The following ISG20 variants were observed in gnomAD, a reference collection of about 807,000 sequenced individuals.
ISG20 encodes interferon-stimulated gene 20 kDa protein.
A neutral mutation model predicts 11.1 loss-of-function variants in ISG20; 8 were observed. That is an observed-to-expected ratio of 0.72 (90% CI 0.42 to 1.30). The LOEUF (loss-of-function observed/expected upper bound fraction) is 1.30, where lower values mean the gene tolerates loss of function less well. Ranked by LOEUF, ISG20 falls within the 50% of genes most tolerant of loss-of-function variation. ISG20 has a pLI of 0.01. For missense variants in ISG20, 243 were observed against 250.2 expected, an observed-to-expected ratio of 0.97 and a Z score of 0.19; for synonymous variants, 110 against 101.7, an observed-to-expected ratio of 1.08 and a Z score of -0.49.
chr15:88,655,495 C>A lies in ISG20; in HGVS notation c.510C>A (p.Ala170=), dbSNP rs1322915353. 6.2e-7 allele frequency: 1 copy of A among 1,613,772 alleles called. No individual in the cohort carries two copies. The highest frequency in any genetic ancestry group is 1.7e-5 in the Admixed American group (1 of 60,022). The change falls in exon 4 of 4, where the codon GCC becomes GCA. Residue 170 remains alanine, a synonymous_variant. Coordinates refer to ENST00000306072, the MANE Select transcript of ISG20 (RefSeq NM_002201.6). ...ATCAAATCTCCCAGAGAATCCGAGC[C>A]CGCCGAGGGCTGCCCCGCCTGGCTG... is the stretch of plus-strand genomic sequence containing the variant. ...ELYQISQRIR[A]RRGLPRLAVS...
chr15:88,640,888 G>A (rs1391389858), intron 2 of ISG20, among the ~76,000 whole-genome samples: 14 of 151,814 alleles, frequency 9.2e-5, no homozygotes. Context: ...GAGCTCAGAA[G>A]GTCAAGGCTG....
In ISG20 at chr15:88,651,769, A is replaced by G. The variant is rs1022093218; in HGVS notation, c.229-341A>G. ...GGAGGTCATTATTCTGCCTGCCATA[A>G]TAGAATTGTTGGGAAGATTAAACAA... On this transcript the variant is annotated intron_variant, in intron 2 of 3. Coordinates refer to ENST00000306072, the MANE Select transcript of ISG20 (RefSeq NM_002201.6). The G allele has an allele frequency of 2.9e-5, 31 of 1,075,106 alleles. No individual in the cohort carries two copies. In the African/African-American group the frequency reaches 4.9e-4, roughly 17 times the overall value. The allele number at this position is 1,075,106 out of a possible 1,614,324, so 66.6% of individuals were successfully genotyped here. A position where few individuals can be genotyped will look rare whatever the true frequency, so the allele number is the denominator to read the frequency against.
upstream of ISG20, among the ~76,000 whole-genome samples, chr15:88,638,210 G>A (rs2058015901): frequency 6.6e-6 from 1 of 152,196 alleles, no homozygotes; most frequent in Non-Finnish European, 1.5e-5. Context: ...GCTTATTGTT[G>A]GATCTCACCA....
chr15:88,652,055 C>A lies in ISG20; in HGVS notation c.229-55C>A, dbSNP rs577891506. The A allele has an allele frequency of 1.3e-5, 21 of 1,609,112 alleles. No homozygotes were observed. In the South Asian group the frequency reaches 2.3e-4, roughly 18 times the overall value. On this transcript the variant is annotated intron_variant, in intron 2 of 3. Coordinates refer to ENST00000306072, the MANE Select transcript of ISG20 (RefSeq NM_002201.6). ...GGGATTGCTCCCTTGCCAGCCCCAG[C>A]CCCACCCAGAAGATGCTGGGTCATG...
At position 88,653,601 on chromosome 15, in the gene ISG20, G is replaced by T. The variant is rs567640724; in HGVS notation, c.429+1291G>T. Among the ~76,000 whole-genome samples the T allele has an allele frequency of 2.0e-5, 3 of 152,192 alleles. No individual in the cohort carries two copies. The East Asian group carries it at 5.8e-4, about 29-fold the overall frequency. On this transcript the variant is annotated intron_variant, in intron 3 of 3. Coordinates refer to ENST00000306072, the MANE Select transcript of ISG20 (RefSeq NM_002201.6). ...GTCTGGGGCCTTAAGCCTGACCCAG[G>T]GCCTTCTCCCAGGCTCTGTCCCTGG...
At chr15:88,636,901 C>A (rs1348790194), upstream of ISG20, among the ~76,000 whole-genome samples, 1 of 152,086 alleles carries the variant, frequency 6.6e-6, no homozygotes, top group African/African-American at 2.4e-5. Flanking sequence ...GCAATGTGAC[C>A]CCCCAGGCCA....
At chr15:88,644,707 G>C (rs1045223583) in intron 2 of ISG20, among the ~76,000 whole-genome samples, 1 of 152,122 alleles carries the variant, frequency 6.6e-6, no homozygotes, top group Non-Finnish European at 1.5e-5. Flanking sequence ...AGAAGAGGTG[G>C]GAGTCTGTTC....
chr15:88,650,019 C>T lies in ISG20; in HGVS notation c.229-2091C>T, dbSNP rs1381210610. ...AGGGGAGAACATGTAAAAGGGAACACATGATGTTCCAGGAGGCCGCTGGCT... is the reference window on the plus strand; with the variant it reads ...AGGGGAGAACATGTAAAAGGGAACATATGATGTTCCAGGAGGCCGCTGGCT... On this transcript the variant is annotated intron_variant, in intron 2 of 3. Coordinates refer to ENST00000306072, the MANE Select transcript of ISG20 (RefSeq NM_002201.6). This position sits in a 1 kb window ranked among gnomAD's most constrained non-coding sequence, Gnocchi z 4.0. 3.5e-6 allele frequency: 2 copies of T among 567,648 alleles called. No homozygotes were observed. The highest frequency in any genetic ancestry group is 2.0e-5 in the South Asian group (1 of 49,680). 35.2% of individuals were successfully genotyped at this position (567,648 alleles called of 1,614,324 possible).
At chr15:88,648,872 A>T (rs1219441062) in intron 2 of ISG20, 1 of 152,196 alleles carries the variant, frequency 6.6e-6, no homozygotes, top group African/African-American at 2.4e-5. Context: ...CTTTCCAGGA[A>T]TTTGAGAGAC....
At position 88,639,715 on chromosome 15, in the gene ISG20, G is replaced by T; in HGVS notation, c.228+121G>T. ...CACTTGTAAGATTTCCCACACTGCT[G>T]TTGGGAGAAAGCCGGTGGTGTCTCC... On this transcript the variant is annotated intron_variant, in intron 2 of 3. Coordinates refer to ENST00000306072, the MANE Select transcript of ISG20 (RefSeq NM_002201.6). The surrounding 1 kb of genome is among the most constrained non-coding windows in gnomAD (Gnocchi z 4.2). 1 of 736,164 alleles carries T rather than the reference G, an allele frequency of 1.4e-6. No homozygotes were observed. Among genetic ancestry groups the T allele is most frequent in the East Asian group, 2.7e-5 (1 of 37,192 alleles). The allele number at this position is 736,164 out of a possible 1,614,324, so 45.6% of individuals were successfully genotyped here. A position where few individuals can be genotyped will look rare whatever the true frequency, so the allele number is the denominator to read the frequency against.
In ISG20 at chr15:88,650,511, G is replaced by A. The variant is rs1463075306; in HGVS notation, c.229-1599G>A. 2 of 1,369,182 alleles carry A rather than the reference G, an allele frequency of 1.5e-6. No individual in the cohort carries two copies. Among genetic ancestry groups the A allele is most frequent in the Non-Finnish European group, 1.9e-6 (2 of 1,046,194 alleles). The allele number at this position is 1,369,182 out of a possible 1,614,324, so 84.8% of individuals were successfully genotyped here. On this transcript the variant is annotated intron_variant, in intron 2 of 3. Transcript: ENST00000306072. This position sits in a 1 kb window ranked among gnomAD's most constrained non-coding sequence, Gnocchi z 4.0. The stretch of plus-strand genomic sequence containing the variant: ...GTGACTGTCCCAGTTATCAAATGGT[G>A]CTTGGCAAATCACACCAAAACTTAC...
rs2058031509 is a variant in ISG20, at chr15:88,639,019, G to C, written c.-82G>C. 7.7e-6 allele frequency: 3 copies of C among 387,688 alleles called. No homozygotes were observed. Among genetic ancestry groups the C allele is most frequent in the Non-Finnish European group, 1.4e-5 (3 of 210,976 alleles). 24.0% of individuals were successfully genotyped at this position (387,688 alleles called of 1,614,324 possible). On this transcript the variant is annotated 5_prime_UTR_variant, in exon 1 of 4. Transcript: ENST00000306072. The surrounding 1 kb of genome is among the most constrained non-coding windows in gnomAD (Gnocchi z 4.2). ...TGAGTCACCGCTGAGAGCAGCTGCA[G>C]TAGCTGAGCAGTGGCAGCAGAGAGG...
chr15:88,638,022 T>C (rs1425963355), upstream of ISG20, among the ~76,000 whole-genome samples: 1 of 152,176 alleles, frequency 6.6e-6, no homozygotes, highest in Non-Finnish European at 1.5e-5. Context: ...TCTTTGGTTT[T>C]ATTTTTGAGG....
rs1215720923 is a variant in ISG20 at position 88,651,182 on chromosome 15, T to G, written c.229-928T>G. 6.1e-6 allele frequency: 6 copies of G among 984,592 alleles called. No individual in the cohort carries two copies. In the East Asian group the frequency reaches 6.8e-4, roughly 112 times the overall value. 61.0% of individuals were successfully genotyped at this position (984,592 alleles called of 1,614,324 possible). A position where few individuals can be genotyped will look rare whatever the true frequency, so the allele number is the denominator to read the frequency against. ...CTTTTTTAAGAAGAGTGTCAAGGAA[T>G]TTGCAAACTTGTTTTAAAATCATCA... On this transcript the variant is annotated intron_variant, in intron 2 of 3. Coordinates refer to ENST00000306072, the MANE Select transcript of ISG20 (RefSeq NM_002201.6).
intron 2 of ISG20, among the ~76,000 whole-genome samples, chr15:88,644,531 CCAAAAAAAAAAAAAAAGAAAAGA>C (rs1309134350): frequency 1.1e-5 from 1 of 87,060 alleles, no homozygotes; most frequent in Non-Finnish European, 2.3e-5. Flanking sequence ...GACTTAGTCT[CCAAAAAAAAAAAAAAAGAAAAGA>C]CAAAAAAAAA....
chr15:88,639,808 G>A lies in ISG20; in HGVS notation c.228+214G>A, dbSNP rs1222099291. ...ACTCACATCTGGAAGCCGCCTTTGG[G>A]GCATCTATCTGGATCTGGTCCAACT... On this transcript the variant is annotated intron_variant, in intron 2 of 3. Coordinates refer to ENST00000306072, the MANE Select transcript of ISG20 (RefSeq NM_002201.6). This position sits in a 1 kb window ranked among gnomAD's most constrained non-coding sequence, Gnocchi z 4.2. Among the ~76,000 whole-genome samples, 10 of 152,168 alleles carry A rather than the reference G, an allele frequency of 6.6e-5. No individual in the cohort carries two copies. Among genetic ancestry groups the A allele is most frequent in the African/African-American group, 2.4e-4 (10 of 41,420 alleles).
chr15:88,651,936 A>G (rs2058280468), intron 2 of ISG20, 174 bp from the exon 3 acceptor site: 1 of 1,433,648 alleles, frequency 7.0e-7, no homozygotes, highest in Non-Finnish European at 9.1e-7. Context: ...AGGTGTGAGG[A>G]GGGTCCTAGT....
chr15:88,639,115 G>C lies in ISG20; in HGVS notation c.-25+39G>C. On this transcript the variant is annotated intron_variant, in intron 1 of 3. Coordinates refer to ENST00000306072, the MANE Select transcript of ISG20 (RefSeq NM_002201.6). This position sits in a 1 kb window ranked among gnomAD's most constrained non-coding sequence, Gnocchi z 4.2. Reference sequence around the variant, plus strand: ...CTGGAGCAGCAGCTGGGGAGGCAGCGGGAGGGGCCTTCCCGGTCCCCAGGC... The same window carrying C: ...CTGGAGCAGCAGCTGGGGAGGCAGCCGGAGGGGCCTTCCCGGTCCCCAGGC... The C allele has an allele frequency of 3.6e-6, 2 of 558,200 alleles. No individual in the cohort carries two copies. Among genetic ancestry groups the C allele is most frequent in the East Asian group, 5.9e-5 (2 of 33,678 alleles). The allele number at this position is 558,200 out of a possible 1,614,324, so 34.6% of individuals were successfully genotyped here. A position where few individuals can be genotyped will look rare whatever the true frequency, so the allele number is the denominator to read the frequency against.
At chr15:88,645,785 C>A (rs1469944952) in intron 2 of ISG20, among the ~76,000 whole-genome samples, 1 of 152,176 alleles carries the variant, frequency 6.6e-6, no homozygotes, top group Non-Finnish European at 1.5e-5. Context: ...ACCATCGCTG[C>A]CCCACTGGTC....
Sources: gnomAD v4.1 joint callset for allele counts (sites outside exome capture counted in the v4.1 genomes callset) on GRCh38, gnomAD v4.1.1 for gene constraint, Gnocchi (gnomAD v3.1) non-coding constraint, MANE v1.5 for transcripts, NCBI Gene and HGNC (gene_info 2026-07-23, HGNC 2026-07-21) for gene names.